Variants in PARP12 observed in about 807,000 individuals in gnomAD.
PARP12 encodes poly(ADP-ribose) polymerase family member 12, also known as protein mono-ADP-ribosyltransferase PARP12.
Under a neutral mutation model 72.4 loss-of-function variants are expected in PARP12, and 59 were observed. The observed-to-expected ratio is 0.81, with a 90% CI of 0.66 to 1.01. The LOEUF (loss-of-function observed/expected upper bound fraction) is 1.01, where lower values mean the gene tolerates loss of function less well. Ranked by LOEUF, PARP12 falls within the 50% of genes least tolerant of loss-of-function variation. The pLI, the probability that PARP12 is intolerant of heterozygous loss-of-function variation, is 0.00. For missense variants in PARP12, 851 were observed against 914.0 expected (o/e 0.93, Z 0.89); for synonymous variants, 403 against 371.4 (o/e 1.09, Z -0.98).
Position 140,034,249 on chromosome 7 carries a change from C to A in PARP12, c.1407G>T (p.Thr469=). 2 of 1,612,726 alleles carry A rather than the reference C, an allele frequency of 1.2e-6. No homozygotes were observed. Among genetic ancestry groups the A allele is most frequent in the South Asian group, 2.2e-5 (2 of 90,902 alleles). ...RPKYVSPQDV[T]TMQTCNTKFP... ...CTGCAACCTACCAGGTTTGCATGGT[C>A]GTCACATCCTGGGGAGACACGTATT... Residue 469 remains threonine, a synonymous_variant, in exon 8 of 12, where the codon ACG becomes ACT. Coordinates refer to ENST00000263549, the MANE Select transcript of PARP12 (RefSeq NM_022750.4).
chr7:140,031,536 CCAGG>C (rs1287371514), intron 8 of PARP12, among the ~76,000 whole-genome samples: 1 of 152,070 alleles, frequency 6.6e-6, no homozygotes, highest in Non-Finnish European at 1.5e-5. Flanking sequence ...CCATGCAGGC[CCAGG>C]CAGACTTGCT....
intron 10 of PARP12, among the ~76,000 whole-genome samples, chr7:140,027,059 A>G (rs1343023690): frequency 2.6e-5 from 4 of 152,180 alleles, no homozygotes; most frequent in Admixed American, 2.6e-4. Context: ...ACCAGGTGGT[A>G]TGCTCCAGGA....
chr7:140,032,236 A>G (rs915152743), intron 8 of PARP12, among the ~76,000 whole-genome samples: 14 of 152,270 alleles, frequency 9.2e-5, no homozygotes, highest in Admixed American at 8.5e-4. Flanking sequence ...ACTCTGTGGC[A>G]TCTCATGCGT....
At chr7:140,026,540 G>A (rs965736871) in intron 10 of PARP12, among the ~76,000 whole-genome samples, 192 bp from the exon 11 acceptor site, 2 of 152,188 alleles carry the variant, frequency 1.3e-5, no homozygotes, top group Non-Finnish European at 2.9e-5. Flanking sequence ...AAGGGGGATC[G>A]TGGGAGCTGG....
At position 140,056,961 on chromosome 7, in the gene PARP12, G is replaced by C. The variant is rs1287811918; in HGVS notation, c.655C>G (p.Leu219Val). ...KLEKLGMSSD[L>V]VSRLPTIYRN... ...TAAATGGTAGGCAGCCTGCTCACCAGGTCTGAGCTCATACCCAACTTCTCC... is the reference window on the plus strand; with the variant it reads ...TAAATGGTAGGCAGCCTGCTCACCACGTCTGAGCTCATACCCAACTTCTCC... Residue 219 changes from leucine (L) to valine (V), a missense_variant, in exon 3 of 12, where the codon CTG becomes GTG. Coordinates refer to ENST00000263549, the MANE Select transcript of PARP12 (RefSeq NM_022750.4). 1.2e-6 allele frequency: 2 copies of C among 1,614,098 alleles called. No individual in the cohort carries two copies. Among genetic ancestry groups the C allele is most frequent in the African/African-American group, 2.7e-5 (2 of 75,026 alleles).
In PARP12 at chr7:140,024,431, C is replaced by G. The variant is rs1468680388; in HGVS notation, c.*129G>C. ...ATCATTATTAGCAAGAGATTAAGAACATAACTTCATTGAGAGGTCAATGTT... is the reference window on the plus strand; with the variant it reads ...ATCATTATTAGCAAGAGATTAAGAAGATAACTTCATTGAGAGGTCAATGTT... On this transcript the variant is annotated 3_prime_UTR_variant, in exon 12 of 12. Coordinates refer to ENST00000263549, the MANE Select transcript of PARP12 (RefSeq NM_022750.4). 1 of 1,037,366 alleles carries G rather than the reference C, an allele frequency of 9.6e-7. No individual in the cohort carries two copies. Among genetic ancestry groups the G allele is most frequent in the African/African-American group, 1.6e-5 (1 of 62,776 alleles). The allele number at this position is 1,037,366 out of a possible 1,614,324, so 64.3% of individuals were successfully genotyped here.
intron 4 of PARP12, among the ~76,000 whole-genome samples, chr7:140,049,729 T>TA (rs1168461894): frequency 6.6e-6 from 1 of 152,178 alleles, no homozygotes; most frequent in Non-Finnish European, 1.5e-5. Flanking sequence ...AGCTGAGCTA[T>TA]AGACCACACT....
chr7:140,039,714 A>T (rs1198976224), intron 6 of PARP12, among the ~76,000 whole-genome samples: 1 of 152,210 alleles, frequency 6.6e-6, no homozygotes, highest in Non-Finnish European at 1.5e-5. Context: ...ACTAAAAAAG[A>T]AACCTAAATG....
intron 9 of PARP12, 155 bp from the exon 10 acceptor site, chr7:140,027,561 A>T: frequency 1.2e-6 from 1 of 813,892 alleles, no homozygotes; most frequent in Non-Finnish European, 1.9e-6. Context: ...GGCACAGGAG[A>T]CAATCGGTCC....
At position 140,054,725 on chromosome 7, in the gene PARP12, G is replaced by A. The variant is rs1817111438; in HGVS notation, c.799C>T (p.Leu267Phe). 6.2e-7 allele frequency: 1 copy of A among 1,614,106 alleles called. No homozygotes were observed. Among genetic ancestry groups the A allele is most frequent in the Non-Finnish European group, 8.5e-7 (1 of 1,179,936 alleles). ...DSSGSVSPNT[L>F]SQEEGDQICL... ...ATCTGATCACCCTCCTCCTGGCTAA[G>A]AGTGTTTGGGGACACAGAACCTGAA... Residue 267 changes from leucine (L) to phenylalanine (F), a missense_variant, in exon 4 of 12, where the codon CTT (leucine) becomes TTT (phenylalanine). Physicochemically the swap from Leu to Phe is conservative, Grantham distance 22. This residue lies in a region of PARP12 where 492 missense variants were observed against 489.3 expected (regional missense o/e 1.01). Transcript: ENST00000263549.
intron 6 of PARP12, among the ~76,000 whole-genome samples, chr7:140,038,642 T>G (rs1049845253): frequency 2.0e-5 from 3 of 152,188 alleles, no homozygotes; most frequent in African/African-American, 7.2e-5. Context: ...GTTACTATTA[T>G]CATCACCGTT....
intron 6 of PARP12, 36 bp downstream of exon 6, chr7:140,041,608 A>C (rs553572648): frequency 1.3e-6 from 2 of 1,585,020 alleles, no homozygotes; most frequent in Non-Finnish European, 1.7e-6. Context: ...ACAGATCCTC[A>C]GGACAAAACA....
In PARP12 at chr7:140,033,719, G is replaced by A. The variant is rs1054404752; in HGVS notation, c.1421+516C>T. ...CCCTTCTAGGGGCTCACAGGCCACA[G>A]GCTAACCTGGTGGCTCCTGGCAGCC... On this transcript the variant is annotated intron_variant, in intron 8 of 11. Transcript: ENST00000263549. The A allele has an allele frequency of 1.5e-5, 15 of 989,914 alleles. No individual in the cohort carries two copies. In the African/African-American group the frequency reaches 2.3e-4, roughly 15 times the overall value. The allele number at this position is 989,914 out of a possible 1,614,324, so 61.3% of individuals were successfully genotyped here.
intron 8 of PARP12, 115 bp from the exon 9 acceptor site, chr7:140,028,803 T>C: frequency 1.2e-6 from 1 of 846,552 alleles, no homozygotes; most frequent in East Asian, 3.1e-5. Flanking sequence ...ACATCATATT[T>C]CAAGAGCAGG....
intron 1 of PARP12, 29 bp from the exon 2 acceptor site, chr7:140,058,063 G>A (rs113391505): frequency 4.5e-5 from 72 of 1,612,666 alleles, no homozygotes; most frequent in Non-Finnish European, 5.5e-5. Flanking sequence ...GGTGTTATAT[G>A]TCGAATTGAG....
chr7:140,058,100 C>T lies in PARP12; in HGVS notation c.327-66G>A, dbSNP rs1034384213. The T allele has an allele frequency of 1.2e-5, 18 of 1,555,234 alleles. No homozygotes were observed. In the South Asian group the frequency reaches 1.8e-4, roughly 15 times the overall value. On this transcript the variant is annotated intron_variant, in intron 1 of 11. Coordinates refer to ENST00000263549, the MANE Select transcript of PARP12 (RefSeq NM_022750.4). ...CTCCTCAAAATTTCTATGTTGGAGTCCTAACTCCCACGACCTCAGGATATG... is the reference window on the plus strand; with the variant it reads ...CTCCTCAAAATTTCTATGTTGGAGTTCTAACTCCCACGACCTCAGGATATG...
intron 2 of PARP12, 71 bp from the exon 3 acceptor site, chr7:140,057,224 T>A (rs1224889027): frequency 2.1e-6 from 3 of 1,397,670 alleles, no homozygotes; most frequent in Non-Finnish European, 2.9e-6. Context: ...CAGTGGCCAG[T>A]CCACTGGTGA....
At chr7:140,038,688 T>A (rs1218945187) in intron 6 of PARP12, among the ~76,000 whole-genome samples, 2 of 152,140 alleles carry the variant, frequency 1.3e-5, no homozygotes, top group Non-Finnish European at 2.9e-5. Context: ...CAACTAAAAT[T>A]AAAGTTATTC....
chr7:140,049,754 G>C (rs889528414), intron 4 of PARP12, among the ~76,000 whole-genome samples: 1 of 152,212 alleles, frequency 6.6e-6, no homozygotes, highest in East Asian at 1.9e-4. Flanking sequence ...ACAGCTGGAA[G>C]GTGCCCAGGA....
Sources: allele counts gnomAD v4.1 joint callset (sites outside exome capture counted in the v4.1 genomes callset), GRCh38; gene constraint gnomAD v4.1.1; regional missense constraint gnomAD v4.1.1; transcripts MANE v1.5; gene names NCBI Gene and HGNC (gene_info 2026-07-23, HGNC 2026-07-21).